The following MYO1E variants were observed in gnomAD, a reference collection of about 807,000 sequenced individuals.
MYO1E encodes myosin IE.
MYO1E carries 68 observed loss-of-function variants against 151.1 expected under a neutral mutation model. The observed-to-expected ratio is 0.45, with a 90% CI of 0.37 to 0.55. The LOEUF (loss-of-function observed/expected upper bound fraction) is 0.55, where lower values mean the gene tolerates loss of function less well. Ranked by LOEUF, MYO1E falls within the 20% of genes least tolerant of loss-of-function variation. MYO1E has a pLI of 0.00. For missense variants in MYO1E, 1,363 were observed against 1,389.3 expected (o/e 0.98, Z 0.30); for synonymous variants, 601 against 501.7 (o/e 1.20, Z -2.64).
intron 18 of MYO1E, among the ~76,000 whole-genome samples, chr15:59,182,874 C>G (rs1164226632): frequency 6.6e-6 from 1 of 152,174 alleles, no homozygotes; most frequent in East Asian, 1.9e-4. Flanking sequence ...GATAATTTTT[C>G]TATGGACGGG....
chr15:59,230,039 A>G (rs185063020), intron 6 of MYO1E, among the ~76,000 whole-genome samples: 16 of 152,324 alleles, frequency 1.1e-4, no homozygotes, highest in South Asian at 2.1e-4. Flanking sequence ...TAAAATTTTA[A>G]TAACAATTGC....
intron 4 of MYO1E, among the ~76,000 whole-genome samples, chr15:59,250,109 G>C (rs2080155318): frequency 6.6e-6 from 1 of 152,204 alleles, no homozygotes; most frequent in South Asian, 2.1e-4. Context: ...ATTAACTCAA[G>C]GGCTCAGGCT....
chr15:59,210,323 T>C (rs201984830), intron 13 of MYO1E, among the ~76,000 whole-genome samples, 191 bp downstream of exon 13: 1 of 124,198 alleles, frequency 8.1e-6, no homozygotes. Flanking sequence ...CATATCCACA[T>C]GTTCATATTT....
intron 19 of MYO1E, 107 bp from the exon 20 acceptor site, chr15:59,174,347 G>A (rs570750964): frequency 1.4e-5 from 11 of 791,794 alleles, no homozygotes; most frequent in South Asian, 7.0e-5. Context: ...TGACACACAC[G>A]GGAAGCAGCT....
chr15:59,307,735 C>T (rs1304269113), intron 1 of MYO1E, among the ~76,000 whole-genome samples: 1 of 151,930 alleles, frequency 6.6e-6, no homozygotes, highest in Non-Finnish European at 1.5e-5. Context: ...CTCAGCCTCC[C>T]GAGTAGCTGG....
At chr15:59,236,367 TATACACACACACACAC>T (rs1363347524) in intron 5 of MYO1E, among the ~76,000 whole-genome samples, 1 of 23,584 alleles carries the variant, frequency 4.2e-5, no homozygotes, top group African/African-American at 1.1e-4. Context: ...AAAAAAAATA[TATACACACACACACAC>T]ACACACACAC....
chr15:59,194,387 T>C (rs1425470614), intron 17 of MYO1E, among the ~76,000 whole-genome samples: 1 of 152,202 alleles, frequency 6.6e-6, no homozygotes, highest in African/African-American at 2.4e-5. Context: ...ACTATGGATC[T>C]GTTTCCTCCT....
chr15:59,216,668 A>ATGTG (rs1282552731), intron 10 of MYO1E, among the ~76,000 whole-genome samples: 284 of 9,206 alleles, frequency 0.031, 5 homozygotes, highest in Non-Finnish European at 0.078. Context: ...GTGTATGTGT[A>ATGTG]TATATATATA....
At chr15:59,355,624 C>T (rs770790370) in intron 1 of MYO1E, among the ~76,000 whole-genome samples, 3 of 152,218 alleles carry the variant, frequency 2.0e-5, no homozygotes, top group Non-Finnish European at 4.4e-5. Flanking sequence ...TCAACCTGTC[C>T]TTCAAAACCA....
intron 18 of MYO1E, among the ~76,000 whole-genome samples, chr15:59,187,796 T>C (rs2079707600): frequency 6.6e-6 from 1 of 152,202 alleles, no homozygotes; most frequent in Non-Finnish European, 1.5e-5. Context: ...GAATCTTATG[T>C]TCAGTGAAAG....
chr15:59,228,473 A>T (rs1168666372), intron 6 of MYO1E, among the ~76,000 whole-genome samples: 1 of 151,764 alleles, frequency 6.6e-6, no homozygotes, highest in Non-Finnish European at 1.5e-5. Context: ...CTGTCCAAAA[A>T]CCAAAATAAA....
intron 1 of MYO1E, among the ~76,000 whole-genome samples, chr15:59,368,921 G>C (rs764050390): frequency 6.6e-6 from 1 of 152,122 alleles, no homozygotes; most frequent in Non-Finnish European, 1.5e-5. Flanking sequence ...TTTCCCACTA[G>C]GATGGCCCAC....
chr15:59,143,248 T>C (rs1198643366), intron 26 of MYO1E, among the ~76,000 whole-genome samples: 1 of 152,164 alleles, frequency 6.6e-6, no homozygotes, highest in Non-Finnish European at 1.5e-5. Context: ...CTAGGCTGAA[T>C]GGGGTTCCTA....
chr15:59,206,708 C>A, intron 14 of MYO1E: 1 of 543,020 alleles, frequency 1.8e-6, no homozygotes, highest in Non-Finnish European at 3.2e-6. Flanking sequence ...AAACTAACTC[C>A]AGAAATCACT....
At chr15:59,221,249 G>T (rs868380053) in intron 9 of MYO1E, among the ~76,000 whole-genome samples, 2 of 151,712 alleles carry the variant, frequency 1.3e-5, no homozygotes, top group African/African-American at 2.4e-5. Flanking sequence ...GACCTCAGGT[G>T]ATCACCTGCC....
intron 7 of MYO1E, among the ~76,000 whole-genome samples, chr15:59,226,505 T>C (rs1211160524): frequency 6.6e-6 from 1 of 152,214 alleles, no homozygotes; most frequent in African/African-American, 2.4e-5. Flanking sequence ...AAAAACCTTT[T>C]ACAAAAGTAC....
At chr15:59,222,089 T>C (rs1475049151) in intron 9 of MYO1E, among the ~76,000 whole-genome samples, 1 of 152,224 alleles carries the variant, frequency 6.6e-6, no homozygotes, top group Admixed American at 6.5e-5. Flanking sequence ...CTGGTAAACA[T>C]AATTCATCTT....
In MYO1E at chr15:59,153,594, C is replaced by T; in HGVS notation, c.3076G>A (p.Ala1026Thr). Reference protein sequence around the residue: ...DFLKVPDQGAAGVRRQTTSRP... With the variant: ...DFLKVPDQGATGVRRQTTSRP... ...CAGAGGATGTGAGAATCTTACCCTG[C>T]AGCTCCCTGGTCCGGGACCTTGAGG... The change falls in exon 26 of 28, where the codon GCA becomes ACA. Residue 1026 changes from alanine (A) to threonine (T), a missense_variant. Transcript: ENST00000288235. 1 of 1,614,064 alleles carries T rather than the reference C, an allele frequency of 6.2e-7. No individual in the cohort carries two copies. Among genetic ancestry groups the T allele is most frequent in the Non-Finnish European group, 8.5e-7 (1 of 1,179,998 alleles).
chr15:59,160,987 A>ACAT, intron 24 of MYO1E, 86 bp downstream of exon 24: 1 of 1,543,940 alleles, frequency 6.5e-7, no homozygotes, highest in Non-Finnish European at 8.9e-7. Flanking sequence ...CTCAGCCCCC[A>ACAT]CATCTGTGCA....
Sources: gnomAD v4.1 joint callset for allele counts (sites outside exome capture counted in the v4.1 genomes callset) on GRCh38, gnomAD v4.1.1 for gene constraint, MANE v1.5 for transcripts, NCBI Gene and HGNC (gene_info 2026-07-23, HGNC 2026-07-21) for gene names.